Variants in CCDC30 observed in about 807,000 individuals in gnomAD.
CCDC30 encodes the protein coiled-coil domain containing 30.
A neutral mutation model predicts 100.2 loss-of-function variants in CCDC30; 70 were observed. That is an observed-to-expected ratio of 0.70 (90% CI 0.58 to 0.85). The LOEUF is 0.85. Ranked by LOEUF, CCDC30 falls within the 40% of genes least tolerant of loss-of-function variation. CCDC30 has a pLI of 0.00. For missense variants in CCDC30, 652 were observed against 771.2 expected, an observed-to-expected ratio of 0.85 and a Z score of 1.83; for synonymous variants, 233 against 269.5, an observed-to-expected ratio of 0.86 and a Z score of 1.33.
At position 42,465,737 on chromosome 1, in the gene CCDC30, G is replaced by A. The variant is rs111815594; in HGVS notation, c.-92+1839G>A. ...GTGAGACATTTGGCAATGTACGTAA[G>A]CATTTTTAGTTGTCACAACTAGGGA... On this transcript the variant is annotated intron_variant, in intron 1 of 16. Transcript: ENST00000668663. Among the ~76,000 whole-genome samples the A allele has an allele frequency of 7.8e-3, 1,188 of 152,244 alleles. 21 individuals are homozygous for A. The highest frequency in any genetic ancestry group is 0.027 in the African/African-American group (1,110 of 41,530).
At chr1:42,492,776 A>G (rs934645871) in intron 4 of CCDC30, among the ~76,000 whole-genome samples, 9 of 151,992 alleles carry the variant, frequency 5.9e-5, no homozygotes, top group Admixed American at 3.3e-4. Context: ...CCTCCCGAGT[A>G]GCTGGAATTA....
chr1:42,600,808 G>GCTCGCT (rs1553121288), intron 10 of CCDC30, among the ~76,000 whole-genome samples: 1 of 146,784 alleles, frequency 6.8e-6, no homozygotes, highest in Non-Finnish European at 1.5e-5. Context: ...TTCCCCCTGT[G>GCTCGCT]CTCTCTCTCT....
At chr1:42,484,138 A>G (rs796851093) in intron 3 of CCDC30, among the ~76,000 whole-genome samples, 16 of 152,242 alleles carry the variant, frequency 1.1e-4, no homozygotes, top group Admixed American at 2.6e-4. Context: ...AATAATAAAA[A>G]AAAGAATATC....
At chr1:42,623,315 A>G (rs530568931) in intron 11 of CCDC30, among the ~76,000 whole-genome samples, 1 of 152,280 alleles carries the variant, frequency 6.6e-6, no homozygotes, top group Admixed American at 6.5e-5. Context: ...CTCACAGACC[A>G]ATATCCTGGA....
intron 6 of CCDC30, chr1:42,500,279 T>C (rs1644289638): frequency 6.2e-7 from 1 of 1,610,720 alleles, no homozygotes; most frequent in African/African-American, 1.3e-5. Context: ...TGCGTCTCTG[T>C]CTTCTTCAGT....
At chr1:42,523,712 G>A (rs769017192) in intron 6 of CCDC30, among the ~76,000 whole-genome samples, 17 of 152,078 alleles carry the variant, frequency 1.1e-4, no homozygotes, top group East Asian at 1.9e-4. Context: ...TCCCCAGTGT[G>A]TATGTTGGCC....
intron 6 of CCDC30, among the ~76,000 whole-genome samples, chr1:42,531,362 T>C (rs1252513430): frequency 6.6e-6 from 1 of 152,178 alleles, no homozygotes; most frequent in Non-Finnish European, 1.5e-5. Flanking sequence ...CTCAGGTAGT[T>C]TTTTATACTA....
intron 6 of CCDC30, 39 bp from the exon 8 acceptor site, chr1:42,539,134 C>A (rs1455045774): frequency 4.2e-6 from 6 of 1,424,298 alleles, no homozygotes; most frequent in Non-Finnish European, 1.9e-6. Context: ...GGAAAATAGT[C>A]TTATTTTATT....
chr1:42,523,603 G>A (rs1408279710), intron 6 of CCDC30, among the ~76,000 whole-genome samples: 3 of 152,044 alleles, frequency 2.0e-5, no homozygotes, highest in Non-Finnish European at 4.4e-5. Context: ...AGTTGGTTGA[G>A]CCTCTTGGTT....
intron 4 of CCDC30, chr1:42,491,844 C>T (rs529097275): frequency 5.7e-6 from 2 of 353,118 alleles, no homozygotes; most frequent in South Asian, 6.9e-5. Flanking sequence ...TGTAAAAGCA[C>T]TTGCTATGTT....
intron 10 of CCDC30, among the ~76,000 whole-genome samples, chr1:42,601,561 G>A (rs1239335596): frequency 1.3e-5 from 2 of 152,166 alleles, no homozygotes; most frequent in South Asian, 2.1e-4. Flanking sequence ...CACAATCCAG[G>A]ATGGGCAGCA....
chr1:42,648,001 C>T (rs531852360), intron 15 of CCDC30, among the ~76,000 whole-genome samples: 21 of 152,204 alleles, frequency 1.4e-4, no homozygotes, highest in Admixed American at 5.2e-4. Flanking sequence ...AGTGCAATGG[C>T]GCAATCTTGG....
intron 7 of CCDC30, 135 bp downstream of exon 11, chr1:42,566,610 C>T (rs1645612121): frequency 1.6e-6 from 1 of 643,460 alleles, no homozygotes; most frequent in Non-Finnish European, 2.6e-6. Context: ...TGGTAACTTC[C>T]TCCTTTAACT....
chr1:42,558,511 C>T (rs1324079524), intron 6 of CCDC30, among the ~76,000 whole-genome samples: 4 of 152,124 alleles, frequency 2.6e-5, no homozygotes, highest in Non-Finnish European at 4.4e-5. Context: ...TAACTCATCA[C>T]CCCATCCAGC....
chr1:42,461,384 G>C (rs1483807318), upstream of CCDC30, among the ~76,000 whole-genome samples: 1 of 152,118 alleles, frequency 6.6e-6, no homozygotes. Flanking sequence ...CACCCAGGTT[G>C]GAGTGCAGTG....
chr1:42,570,561 A>C (rs769210244), intron 7 of CCDC30, among the ~76,000 whole-genome samples: 28 of 152,102 alleles, frequency 1.8e-4, no homozygotes, highest in African/African-American at 6.3e-4. Context: ...CCTTGTCCCC[A>C]TCATAATCCC....
intron 6 of CCDC30, chr1:42,539,283 A>G: frequency 6.2e-7 from 1 of 1,601,010 alleles, no homozygotes; most frequent in Non-Finnish European, 8.5e-7. Flanking sequence ...ACCTGTTACA[A>G]AGAGAGAATT....
At chr1:42,601,073 A>G (rs1646396871) in intron 10 of CCDC30, among the ~76,000 whole-genome samples, 1 of 152,158 alleles carries the variant, frequency 6.6e-6, no homozygotes, top group African/African-American at 2.4e-5. Context: ...ACCCTAATGG[A>G]ATTAAACTAG....
rs181941127 is a variant in CCDC30, at chr1:42,648,663, C to T, written c.1854+2346C>T. The stretch of plus-strand genomic sequence containing the variant: ...CCAGCCTGGGTGACAGAGCAAGACT[C>T]TGTCTCAAAACAAAACAAACAAACA... On this transcript the variant is annotated intron_variant, in intron 15 of 16. Coordinates refer to ENST00000668663, the Ensembl canonical transcript of CCDC30. Among the ~76,000 whole-genome samples, 1,404 of 152,114 alleles carry T rather than the reference C, an allele frequency of 9.2e-3. 4 individuals are homozygous for T. Among genetic ancestry groups the T allele is most frequent in the Non-Finnish European group, 0.015 (997 of 67,964 alleles).
Sources: allele counts gnomAD v4.1 joint callset (sites outside exome capture counted in the v4.1 genomes callset), GRCh38; gene constraint gnomAD v4.1.1; transcripts MANE v1.5; gene names NCBI Gene and HGNC (gene_info 2026-07-23, HGNC 2026-07-21).